Variants in ZNF431 observed in about 807,000 individuals in gnomAD.
The protein encoded by ZNF431 is zinc finger protein 431.
Under a neutral mutation model 57.0 loss-of-function variants are expected in ZNF431, and 34 were observed. The ratio of observed to expected loss-of-function variants is 0.60; its 90% confidence interval spans 0.45 to 0.79. The LOEUF is 0.79. Ranked by LOEUF, ZNF431 falls within the 30% of genes least tolerant of loss-of-function variation. The pLI is 0.00. For synonymous variants in ZNF431, 207 were observed against 220.3 expected (o/e 0.94, Z 0.54); for missense variants, 607 against 667.1 (o/e 0.91, Z 0.99).
chr19:21,150,451 G>C (rs950342986), intron 2 of ZNF431: 3 of 230,400 alleles, frequency 1.3e-5, no homozygotes, highest in African/African-American at 4.7e-5. Flanking sequence ...TGGGTCGGGG[G>C]AGGAGAGCTT....
At chr19:21,177,707 G>C (rs1317215154) in intron 4 of ZNF431, among the ~76,000 whole-genome samples, 2 of 152,144 alleles carry the variant, frequency 1.3e-5, no homozygotes, top group Non-Finnish European at 2.9e-5. Flanking sequence ...AGAATCGCTT[G>C]AACCTGGGAG....
intron 4 of ZNF431, among the ~76,000 whole-genome samples, chr19:21,182,144 CTG>C (rs1002274970): frequency 2.0e-4 from 30 of 152,144 alleles, no homozygotes; most frequent in African/African-American, 5.6e-4. Context: ...CAGAAGTAAA[CTG>C]TAATTCCAAA....
At chr19:21,146,898 C>A (rs1272181929) in intron 2 of ZNF431, among the ~76,000 whole-genome samples, 1 of 152,158 alleles carries the variant, frequency 6.6e-6, no homozygotes, top group African/African-American at 2.4e-5. Flanking sequence ...CACAAGGGCA[C>A]ACTTAATCCT....
At position 21,191,184 on chromosome 19, in the gene ZNF431, G is replaced by C. The variant is rs1411905766; in HGVS notation, c.*7150G>C. 6.6e-6 allele frequency: 1 copy of C among 152,136 alleles called. No homozygotes were observed. The highest frequency in any genetic ancestry group is 6.5e-5 in the Admixed American group (1 of 15,274). The allele number at this position is 152,136 out of a possible 1,614,324, so 9.4% of individuals were successfully genotyped here. Reference sequence around the variant, plus strand: ...ATCAAAAAACTTGCGGCCAGGCGCAGTGGCTCACACCTGTAATCCCAGCAC... The same window carrying C: ...ATCAAAAAACTTGCGGCCAGGCGCACTGGCTCACACCTGTAATCCCAGCAC... On this transcript the variant is annotated 3_prime_UTR_variant, in exon 5 of 5. Coordinates refer to ENST00000311048, the MANE Select transcript of ZNF431 (RefSeq NM_133473.4).
In ZNF431 at chr19:21,192,170, A is replaced by G. The variant is rs1971522626; in HGVS notation, c.*8136A>G. The G allele has an allele frequency of 6.6e-6, 1 of 151,942 alleles. No homozygotes were observed. The highest frequency in any genetic ancestry group is 2.4e-5 in the African/African-American group (1 of 41,406). The allele number at this position is 151,942 out of a possible 1,614,324, so 9.4% of individuals were successfully genotyped here. On this transcript the variant is annotated 3_prime_UTR_variant, in exon 5 of 5. Transcript: ENST00000311048. ...TTTGAAAGTTTAATAAATTTTGTTT[A>G]TTTATTTATTTATTTTGAGATGGAG...
rs922253455 is a variant in ZNF431 at position 21,192,750 on chromosome 19, T to C, written c.*8716T>C. On this transcript the variant is annotated 3_prime_UTR_variant, in exon 5 of 5. Transcript: ENST00000311048. Reference sequence around the variant, plus strand: ...TTGGTTATATATGGCATTTATTGGCTGAAGTGCATTTGTTCTATACCTAAT... The same window carrying C: ...TTGGTTATATATGGCATTTATTGGCCGAAGTGCATTTGTTCTATACCTAAT... The C allele has an allele frequency of 6.6e-6, 1 of 152,210 alleles. No homozygotes were observed. Among genetic ancestry groups the C allele is most frequent in the African/African-American group, 2.4e-5 (1 of 41,458 alleles). 9.4% of individuals were successfully genotyped at this position (152,210 alleles called of 1,614,324 possible).
At chr19:21,169,200 A>G (rs997302214) in intron 4 of ZNF431, among the ~76,000 whole-genome samples, 3 of 152,124 alleles carry the variant, frequency 2.0e-5, no homozygotes, top group African/African-American at 7.2e-5. Flanking sequence ...GGTGTGAACC[A>G]CTGCGCCTGG....
Position 21,184,952 on chromosome 19 carries a change from C to G in ZNF431, c.*918C>G, listed in dbSNP as rs1447829454. 1 of 152,138 alleles carries G rather than the reference C, an allele frequency of 6.6e-6. No individual in the cohort carries two copies. The highest frequency in any genetic ancestry group is 6.5e-5 in the Admixed American group (1 of 15,274). 9.4% of individuals were successfully genotyped at this position (152,138 alleles called of 1,614,324 possible). ...TTTCTTCTAGAGGAAAACTCTGAAG[C>G]AGTTGATCAAACTTTGTTCAACATC... On this transcript the variant is annotated 3_prime_UTR_variant, in exon 5 of 5. Transcript: ENST00000311048.
rs201669702 is a variant in ZNF431 at position 21,183,925 on chromosome 19, A to T, written c.1622A>T (p.Asn541Ile). ...ATTCATACTAGACAGAAACCCTACAACTGTGAAGAATGTGACAATACATTT... is the reference window on the plus strand; with the variant it reads ...ATTCATACTAGACAGAAACCCTACATCTGTGAAGAATGTGACAATACATTT... ...RKIHTRQKPYNCEECDNTFNQ... is the reference protein window; with the variant it reads ...RKIHTRQKPYICEECDNTFNQ... The change falls in exon 5 of 5, where the codon AAC (asparagine) becomes ATC (isoleucine). Residue 541 changes from asparagine to isoleucine, a missense_variant. By Grantham distance (149) the Asn-to-Ile change is moderately radical. Coordinates refer to ENST00000311048, the MANE Select transcript of ZNF431 (RefSeq NM_133473.4). The T allele has an allele frequency of 2.5e-6, 4 of 1,613,468 alleles. No individual in the cohort carries two copies. Among genetic ancestry groups the T allele is most frequent in the Non-Finnish European group, 3.4e-6 (4 of 1,179,730 alleles).
Position 21,184,587 on chromosome 19 carries a change from C to T in ZNF431, c.*553C>T, listed in dbSNP as rs188970022. 139 of 153,482 alleles carry T rather than the reference C, an allele frequency of 9.1e-4. No homozygotes were observed. The highest frequency in any genetic ancestry group is 2.4e-3 in the Admixed American group (36 of 15,308). 9.5% of individuals were successfully genotyped at this position (153,482 alleles called of 1,614,324 possible). ...ATAAAGCCTTTAAATGGTTGTCACA[C>T]TTCATTGTAGGTAAGATAATTCATA... On this transcript the variant is annotated 3_prime_UTR_variant, in exon 5 of 5. Coordinates refer to ENST00000311048, the MANE Select transcript of ZNF431 (RefSeq NM_133473.4).
intron 4 of ZNF431, chr19:21,169,999 C>T (rs549219303): frequency 7.6e-6 from 3 of 395,452 alleles, no homozygotes; most frequent in South Asian, 1.4e-4. Context: ...GAGTTAATTT[C>T]AGAATTCTCT....
chr19:21,169,575 A>C (rs1970822972), intron 4 of ZNF431, among the ~76,000 whole-genome samples: 1 of 152,162 alleles, frequency 6.6e-6, no homozygotes, highest in Admixed American at 6.5e-5. Flanking sequence ...TCTGCACTAG[A>C]GTCCACCTTT....
At chr19:21,145,791 G>A in intron 2 of ZNF431, among the ~76,000 whole-genome samples, 2 of 152,156 alleles carry the variant, frequency 1.3e-5, no homozygotes, top group East Asian at 3.9e-4. Context: ...TGTAAGTATT[G>A]GAAAGTTTAG....
chr19:21,190,013 A>G lies in ZNF431; in HGVS notation c.*5979A>G. On this transcript the variant is annotated 3_prime_UTR_variant, in exon 5 of 5. Transcript: ENST00000311048. Reference sequence around the variant, plus strand: ...ACAAAAACAACAAAACAAAAACAAAAAACACCTCAGCTGGGTGTGGTGGTG... The same window carrying G: ...ACAAAAACAACAAAACAAAAACAAAGAACACCTCAGCTGGGTGTGGTGGTG... 2.6e-6 allele frequency: 1 copy of G among 389,698 alleles called. No individual in the cohort carries two copies. 24.1% of individuals were successfully genotyped at this position (389,698 alleles called of 1,614,324 possible).
rs752139278 is a variant in ZNF431 at position 21,167,660 on chromosome 19, C to A, written c.313C>A (p.Pro105Thr). ...NMKRHEMVDE[P>T]PAMCSYFTKD... Reference sequence around the variant, plus strand: ...GAAGAGACATGAGATGGTGGATGAACCCCCAGGTAGGTGAGAGTGAAAAAA... The same window carrying A: ...GAAGAGACATGAGATGGTGGATGAAACCCCAGGTAGGTGAGAGTGAAAAAA... The change falls in exon 4 of 5, where the codon CCC (proline) becomes ACC (threonine). Residue 105 changes from proline to threonine, a missense_variant. Pro to Thr is a conservative substitution (Grantham distance 38). Transcript: ENST00000311048. The A allele has an allele frequency of 1.9e-6, 3 of 1,562,910 alleles. No individual in the cohort carries two copies. Among genetic ancestry groups the A allele is most frequent in the South Asian group, 1.2e-5 (1 of 85,244 alleles).
Position 21,188,507 on chromosome 19 carries a change from G to C in ZNF431, c.*4473G>C, listed in dbSNP as rs896514077. On this transcript the variant is annotated 3_prime_UTR_variant, in exon 5 of 5. Transcript: ENST00000311048. ...TCCATGCAGAATCTTTTATTTTTAA[G>C]TGTGAGTGTTAAAGGTTACAAAATA... 1.3e-5 allele frequency: 2 copies of C among 152,100 alleles called. No individual in the cohort carries two copies. The highest frequency in any genetic ancestry group is 1.3e-4 in the Admixed American group (2 of 15,268). The allele number at this position is 152,100 out of a possible 1,614,324, so 9.4% of individuals were successfully genotyped here.
chr19:21,181,662 G>A (rs566374656), intron 4 of ZNF431, among the ~76,000 whole-genome samples: 2 of 151,526 alleles, frequency 1.3e-5, no homozygotes, highest in African/African-American at 4.8e-5. Context: ...TACAATTTCT[G>A]TTTTTGGATA....
At chr19:21,164,079 C>CAA (rs34934773) in intron 2 of ZNF431, among the ~76,000 whole-genome samples, 17,868 of 138,100 alleles carry the variant, frequency 0.13, 1,476 homozygotes, top group African/African-American at 0.22. Context: ...AACTCCATCT[C>CAA]AAAAAAAAAA....
At chr19:21,146,737 C>G (rs1429404195) in intron 2 of ZNF431, among the ~76,000 whole-genome samples, 1 of 152,120 alleles carries the variant, frequency 6.6e-6, no homozygotes, top group African/African-American at 2.4e-5. Flanking sequence ...GTCTTTATGA[C>G]TTGTATCTTG....
Sources: allele counts gnomAD v4.1 joint callset (sites outside exome capture counted in the v4.1 genomes callset), GRCh38; gene constraint gnomAD v4.1.1; transcripts MANE v1.5; gene names NCBI Gene and HGNC (gene_info 2026-07-23, HGNC 2026-07-21).